Variants in AKR1C8 observed in about 807,000 individuals in gnomAD.
AKR1C8 encodes the protein aldo-keto reductase family 1 member C-like protein 1.
At chr10:5,117,253 G>A in the AKR1C8 span, among the ~76,000 whole-genome samples, 1 of 151,980 alleles carries the variant, frequency 6.6e-6, no homozygotes, top group Admixed American at 6.5e-5. Flanking sequence ...GCCAAAATGA[G>A]GATTCAGGAG....
At chr10:5,121,309 G>T in the AKR1C8 span, among the ~76,000 whole-genome samples, 2 of 152,138 alleles carry the variant, frequency 1.3e-5, no homozygotes, top group South Asian at 4.1e-4. Flanking sequence ...GATGGACAAA[G>T]ATGACACTGG....
chr10:5,155,636 A>G, the AKR1C8 span: 1 of 447,926 alleles, frequency 2.2e-6, no homozygotes, highest in Non-Finnish European at 4.6e-6. Context: ...TGCATACTAC[A>G]GAAAACAGCC....
At chr10:5,123,614 A>G in the AKR1C8 span, 1 of 1,159,036 alleles carries the variant, frequency 8.6e-7, no homozygotes, top group Non-Finnish European at 1.2e-6. Flanking sequence ...ACCTTACCCT[A>G]ACTCACTGAG....
At chr10:5,177,558 C>T in the AKR1C8 span, among the ~76,000 whole-genome samples, 6 of 152,262 alleles carry the variant, frequency 3.9e-5, no homozygotes, top group East Asian at 7.7e-4. Context: ...GGAATGGTAC[C>T]AGTTCCTCCT....
At chr10:5,117,731 C>A in the AKR1C8 span, among the ~76,000 whole-genome samples, 4 of 152,010 alleles carry the variant, frequency 2.6e-5, no homozygotes, top group African/African-American at 9.7e-5. Context: ...GAAAGGAGAA[C>A]CAGCATGTTC....
chr10:5,180,394 G>T, the AKR1C8 span, among the ~76,000 whole-genome samples: 1 of 152,226 alleles, frequency 6.6e-6, no homozygotes, highest in East Asian at 1.9e-4. Context: ...ACTGGGGGCT[G>T]CCTCCCAGTT....
the AKR1C8 span, chr10:5,122,266 A>T: frequency 4.0e-6 from 1 of 252,904 alleles, no homozygotes; most frequent in African/African-American, 2.3e-5. Context: ...GGATGGCATT[A>T]GGGGAGGCAT....
chr10:5,131,360 C>T, the AKR1C8 span, among the ~76,000 whole-genome samples: 25 of 152,118 alleles, frequency 1.6e-4, 1 homozygote, highest in East Asian at 4.1e-3. Context: ...TAATTCTGCA[C>T]AGCAAAAGAA....
chr10:5,145,408 C>G, the AKR1C8 span, among the ~76,000 whole-genome samples: 8 of 151,958 alleles, frequency 5.3e-5, no homozygotes, highest in Non-Finnish European at 1.2e-4. Context: ...AGTGAACAGG[C>G]AACCTACAAA....
chr10:5,142,061 T>C, the AKR1C8 span, among the ~76,000 whole-genome samples: 1 of 152,176 alleles, frequency 6.6e-6, no homozygotes, highest in Non-Finnish European at 1.5e-5. Context: ...ATAAATCTTC[T>C]GGTTGACCTG....
the AKR1C8 span, among the ~76,000 whole-genome samples, chr10:5,183,171 C>T: frequency 2.0e-5 from 3 of 151,880 alleles, no homozygotes; most frequent in African/African-American, 7.3e-5. Context: ...TCTCTGACTA[C>T]AACAAAAAAT....
At chr10:5,135,961 A>C in the AKR1C8 span, among the ~76,000 whole-genome samples, 1 of 152,172 alleles carries the variant, frequency 6.6e-6, no homozygotes, top group Non-Finnish European at 1.5e-5. Context: ...GTTCAAAGGA[A>C]AAAGAAAATG....
chr10:5,145,899 A>T, the AKR1C8 span, among the ~76,000 whole-genome samples: 1 of 152,072 alleles, frequency 6.6e-6, no homozygotes, highest in African/African-American at 2.4e-5. Context: ...ACATGTGCAC[A>T]TATGTTTATT....
the AKR1C8 span, among the ~76,000 whole-genome samples, chr10:5,173,183 G>A: frequency 6.6e-6 from 1 of 152,090 alleles, no homozygotes; most frequent in Non-Finnish European, 1.5e-5. Context: ...AGACAGAATG[G>A]AGAAAAGTAA....
chr10:5,181,132 G>A, the AKR1C8 span, among the ~76,000 whole-genome samples: 1 of 152,136 alleles, frequency 6.6e-6, no homozygotes, highest in Non-Finnish European at 1.5e-5. Flanking sequence ...CTTCTTGGCT[G>A]CCACCCCAAG....
the AKR1C8 span, among the ~76,000 whole-genome samples, chr10:5,127,989 TCTAA>T: frequency 8.5e-5 from 13 of 152,146 alleles, no homozygotes; most frequent in East Asian, 1.9e-3. Flanking sequence ...CATGAGTCTA[TCTAA>T]AGTCAACATG....
At chr10:5,123,642 A>C in the AKR1C8 span, 2 of 1,399,014 alleles carry the variant, frequency 1.4e-6, no homozygotes, top group Non-Finnish European at 2.0e-6. Flanking sequence ...TCCAGGAAAG[A>C]GAGTACCATA....
chr10:5,172,205 T>C, the AKR1C8 span, among the ~76,000 whole-genome samples: 2 of 152,108 alleles, frequency 1.3e-5, no homozygotes, highest in African/African-American at 2.4e-5. Flanking sequence ...TACTTTTAAA[T>C]TGTACAACAT....
At chr10:5,155,564 C>T in the AKR1C8 span, 1 of 343,028 alleles carries the variant, frequency 2.9e-6, no homozygotes, top group Non-Finnish European at 6.1e-6. Context: ...TCTCCTATTT[C>T]ACCCCATGCC....
Sources: allele counts gnomAD v4.1 joint callset (sites outside exome capture counted in the v4.1 genomes callset), GRCh38; gene constraint gnomAD v4.1.1; transcripts MANE v1.5; gene names NCBI Gene and HGNC (gene_info 2026-07-23, HGNC 2026-07-21).